ASB14: variants seen among roughly 807,000 people sequenced by gnomAD.
The protein encoded by ASB14 is ankyrin repeat and SOCS box containing 14, also known as ankyrin repeat and SOCS box protein 14.
A neutral mutation model predicts 55.6 loss-of-function variants in ASB14; 63 were observed. The ratio of observed to expected loss-of-function variants is 1.13; its 90% confidence interval spans 0.92 to 1.40. The LOEUF (loss-of-function observed/expected upper bound fraction) is 1.40, where lower values mean the gene tolerates loss of function less well. ASB14 is among the 40% of genes most tolerant of loss of function. ASB14 has a pLI of 0.00. For missense variants in ASB14, 724 were observed against 710.4 expected (o/e 1.02, Z -0.22); for synonymous variants, 256 against 259.9 (o/e 0.98, Z 0.15).
At position 57,280,489 on chromosome 3, in the gene ASB14, C is replaced by T. The variant is rs2061031334; in HGVS notation, c.716-16G>A. ...GCATTAGCTCCTAAGAGGAGAAAGACTCTTGTTAATGCAAAAATTATTTTC... is the reference window on the plus strand; with the variant it reads ...GCATTAGCTCCTAAGAGGAGAAAGATTCTTGTTAATGCAAAAATTATTTTC... On this transcript the variant is annotated splice_polypyrimidine_tract_variant and intron_variant, in intron 6 of 10. Coordinates refer to ENST00000487349, the MANE Select transcript of ASB14 (RefSeq NM_001142733.3). The T allele has an allele frequency of 4.6e-6, 7 of 1,536,702 alleles. No individual in the cohort carries two copies. The highest frequency in any genetic ancestry group is 6.2e-6 in the Non-Finnish European group (7 of 1,137,074).
At position 57,269,822 on chromosome 3, in the gene ASB14, T is replaced by TA. The variant is rs200042046; in HGVS notation, c.*23-205dup. The TA allele has an allele frequency of 7.0e-4, 718 of 1,033,092 alleles. 3 individuals carry two copies. The African/African-American group carries it at 0.01, about 15-fold the overall frequency. 64.0% of individuals were successfully genotyped at this position (1,033,092 alleles called of 1,614,324 possible). On this transcript the variant is annotated intron_variant, in intron 10 of 10. Coordinates refer to ENST00000487349, the MANE Select transcript of ASB14 (RefSeq NM_001142733.3). ...TTGCTTATTTGTTGTAGCTACATTT[T>TA]AAAAAAAAGATTGAACTTGATGACT...
intron 5 of ASB14, 116 bp downstream of exon 5, chr3:57,287,785 C>T: frequency 8.6e-7 from 1 of 1,158,630 alleles, no homozygotes; most frequent in Non-Finnish European, 1.2e-6. Context: ...CATGTCTGGT[C>T]AGTTGGGAAC....
chr3:57,289,524 TAGTA>T (rs1229914893), intron 2 of ASB14, among the ~76,000 whole-genome samples: 1 of 152,068 alleles, frequency 6.6e-6, no homozygotes, highest in East Asian at 1.9e-4. Context: ...TTTTAAAAAA[TAGTA>T]AATAAAAATG....
chr3:57,277,742 G>C, intron 9 of ASB14, 25 bp downstream of exon 9: 1 of 1,577,116 alleles, frequency 6.3e-7, no homozygotes, highest in Non-Finnish European at 8.6e-7. Flanking sequence ...TTTGTAAAAA[G>C]TCATTCTATG....
chr3:57,291,842 T>C, intron 2 of ASB14, 70 bp downstream of exon 2: 2 of 1,358,744 alleles, frequency 1.5e-6, no homozygotes, highest in Non-Finnish European at 2.0e-6. Context: ...ACACTAGAGT[T>C]AAGCTAATGA....
intron 6 of ASB14, 118 bp downstream of exon 6, chr3:57,283,076 C>T (rs1293627607): frequency 7.4e-7 from 1 of 1,351,152 alleles, no homozygotes. Flanking sequence ...TAATTTTTAT[C>T]AAACATTTAT....
chr3:57,279,044 C>CAAAA, intron 7 of ASB14, 124 bp from the exon 8 acceptor site: 2 of 723,372 alleles, frequency 2.8e-6, no homozygotes, highest in Non-Finnish European at 2.0e-6. Flanking sequence ...AACCCACAAC[C>CAAAA]AAAAAAAAAA....
At chr3:57,290,434 C>A (rs2061119854) in intron 2 of ASB14, among the ~76,000 whole-genome samples, 1 of 152,184 alleles carries the variant, frequency 6.6e-6, no homozygotes, top group Non-Finnish European at 1.5e-5. Context: ...ACACTGGGAC[C>A]ACCTGGGTAA....
intron 2 of ASB14, 77 bp downstream of exon 2, chr3:57,291,835 C>G (rs2061133874): frequency 7.6e-7 from 1 of 1,310,900 alleles, no homozygotes; most frequent in Non-Finnish European, 1.0e-6. Flanking sequence ...TGTCACAACA[C>G]TAGAGTTAAG....
rs2061135548 is a variant in ASB14, at chr3:57,291,950, A to G, written c.84T>C (p.Tyr28=). Reference sequence around the variant, plus strand: ...GTGCATGTTGTGCTGTTCCTGGCTTATAAATATCCTGCAAACTCTGTTGAA... The same window carrying G: ...GTGCATGTTGTGCTGTTCCTGGCTTGTAAATATCCTGCAAACTCTGTTGAA... ...LIIQQSLQDI[Y]KPGTAQHAPK... Residue 28 remains tyrosine (Y), a synonymous_variant, in exon 2 of 11, where the codon TAT becomes TAC. Coordinates refer to ENST00000487349, the MANE Select transcript of ASB14 (RefSeq NM_001142733.3). 1 of 1,536,760 alleles carries G rather than the reference A, an allele frequency of 6.5e-7. No individual in the cohort carries two copies. The highest frequency in any genetic ancestry group is 2.0e-5 in the Admixed American group (1 of 50,986).
chr3:57,280,986 T>G (rs2061036599), intron 6 of ASB14, among the ~76,000 whole-genome samples: 1 of 152,100 alleles, frequency 6.6e-6, no homozygotes, highest in Non-Finnish European at 1.5e-5. Flanking sequence ...GCCAAAGAGG[T>G]AAGTTGTTGT....
chr3:57,286,325 A>G (rs2061080799), intron 5 of ASB14, among the ~76,000 whole-genome samples: 1 of 151,140 alleles, frequency 6.6e-6, no homozygotes, highest in East Asian at 1.9e-4. Context: ...AAAAGAGGCT[A>G]TGTAAGTAGA....
Position 57,268,423 on chromosome 3 carries a change from AAG to A in ASB14, c.*1216_*1217del, listed in dbSNP as rs1559515916. 1 of 1,599,366 alleles carries A rather than the reference AAG, an allele frequency of 6.3e-7. No individual in the cohort carries two copies. Reference sequence around the variant, plus strand: ...GATCGTAGGGCATCAGAAAAACAAAAAGAAATAGAGAGAGTAAAAGAGAAGCA... The same window carrying A: ...GATCGTAGGGCATCAGAAAAACAAAAAAATAGAGAGAGTAAAAGAGAAGCA... On this transcript the variant is annotated 3_prime_UTR_variant, in exon 11 of 11. Coordinates refer to ENST00000487349, the MANE Select transcript of ASB14 (RefSeq NM_001142733.3).
chr3:57,283,854 A>G (rs1319810752), intron 5 of ASB14, among the ~76,000 whole-genome samples: 1 of 152,016 alleles, frequency 6.6e-6, no homozygotes, highest in East Asian at 1.9e-4. Context: ...AAACAAAAAC[A>G]AAAACAGAAT....
intron 7 of ASB14, 138 bp downstream of exon 7, chr3:57,280,163 CA>C (rs138493152): frequency 0.043 from 9,175 of 213,394 alleles, no homozygotes; most frequent in South Asian, 0.062. Flanking sequence ...GACAGCATCT[CA>C]AAAAAAAAAA....
chr3:57,277,657 T>G, intron 9 of ASB14, 110 bp downstream of exon 9: 1 of 992,896 alleles, frequency 1.0e-6, no homozygotes, highest in Non-Finnish European at 1.5e-6. Context: ...ATTTTTCTGG[T>G]TTAAGTCAAG....
At chr3:57,292,447 AAT>A (rs978019976) in intron 1 of ASB14, among the ~76,000 whole-genome samples, 184 bp downstream of exon 1, 1 of 152,212 alleles carries the variant, frequency 6.6e-6, no homozygotes, top group African/African-American at 2.4e-5. Context: ...TGCTGAAAAT[AAT>A]ATTTTACTTA....
At chr3:57,278,352 A>T in intron 8 of ASB14, 25 bp downstream of exon 8, 1 of 1,567,844 alleles carries the variant, frequency 6.4e-7, no homozygotes, top group East Asian at 2.2e-5. Context: ...ACTGTAAGGG[A>T]ATACAGCCAA....
At chr3:57,283,942 G>C (rs532097461) in intron 5 of ASB14, among the ~76,000 whole-genome samples, 6 of 152,080 alleles carry the variant, frequency 3.9e-5, no homozygotes, top group African/African-American at 1.4e-4. Context: ...CATAGAAAAT[G>C]ATAGTTTTGG....
Sources: allele counts gnomAD v4.1 joint callset (sites outside exome capture counted in the v4.1 genomes callset), GRCh38; gene constraint gnomAD v4.1.1; transcripts MANE v1.5; gene names NCBI Gene and HGNC (gene_info 2026-07-23, HGNC 2026-07-21).